The following TCN2 variants were observed in gnomAD, a reference collection of about 807,000 sequenced individuals.
TCN2 encodes the protein transcobalamin-2.
Under a neutral mutation model 48.6 loss-of-function variants are expected in TCN2, and 34 were observed. The ratio of observed to expected loss-of-function variants is 0.70; its 90% CI spans 0.53 to 0.93. TCN2 has a LOEUF of 0.93. Among genes scored for constraint, TCN2 ranks in the 40% least tolerant of loss-of-function variants. The pLI, the probability that TCN2 is intolerant of heterozygous loss-of-function variation, is 0.00. For missense variants in TCN2, 652 were observed against 526.1 expected (o/e 1.24, Z -2.34); for synonymous variants, 283 against 212.5 (o/e 1.33, Z -2.89).
chr22:30,617,841 A>C (rs537460850), intron 7 of TCN2: 215 of 370,714 alleles, frequency 5.8e-4, no homozygotes, highest in African/African-American at 3.8e-3. Context: ...GTACACATAG[A>C]GATAGTGGCA....
rs746958412 is a variant in TCN2 at position 30,612,862 on chromosome 22, C to T, written c.258-11C>T. 2 of 1,612,990 alleles carry T rather than the reference C, an allele frequency of 1.2e-6. No homozygotes were observed. The highest frequency in any genetic ancestry group is 1.7e-6 in the Non-Finnish European group (2 of 1,179,986). ...AGTTTCTCACAAAGGCATTAACTGG[C>T]CTTGTCCTAGGTCTGCCTTCAGCGA... On this transcript the variant is annotated splice_polypyrimidine_tract_variant and intron_variant, in intron 2 of 8. Transcript: ENST00000215838.
At chr22:30,614,267 G>A in intron 3 of TCN2, 82 bp from the exon 4 acceptor site, 1 of 1,569,228 alleles carries the variant, frequency 6.4e-7, no homozygotes. Flanking sequence ...GTTGGAAAGT[G>A]CAGGCCAGGG....
At chr22:30,623,296 CAAAA>C in intron 8 of TCN2, 7 of 372,994 alleles carry the variant, frequency 1.9e-5, no homozygotes, top group Admixed American at 4.3e-5. Flanking sequence ...AGACAGATTA[CAAAA>C]AAAAAAAAAA....
intron 4 of TCN2, among the ~76,000 whole-genome samples, chr22:30,614,919 T>TA (rs995876978): frequency 6.6e-6 from 1 of 151,818 alleles, no homozygotes; most frequent in East Asian, 1.9e-4. Flanking sequence ...TCTCAAAAAA[T>TA]AAAAAATAAA....
chr22:30,623,755 T>TGTATAC lies in TCN2; in HGVS notation c.1222+672_1222+673insGTATAC, dbSNP rs2087738045. On this transcript the variant is annotated intron_variant, in intron 8 of 8. Transcript: ENST00000215838. ...GTATACATATATATACACACATATA[T>TGTATAC]ATGTATATATATATACACACATATA... is the stretch of plus-strand genomic sequence containing the variant. Among the ~76,000 whole-genome samples the TGTATAC allele has an allele frequency of 1.5e-4, 11 of 74,532 alleles. 3 individuals are homozygous for TGTATAC. Among genetic ancestry groups the TGTATAC allele is most frequent in the East Asian group, 1.3e-3 (4 of 2,990 alleles). 48.9% of individuals were successfully genotyped at this position (74,532 alleles called of 152,430 possible).
intron 1 of TCN2, among the ~76,000 whole-genome samples, chr22:30,610,648 C>A (rs958941378): frequency 9.2e-5 from 14 of 152,258 alleles, no homozygotes; most frequent in African/African-American, 4.8e-5. Flanking sequence ...CACCACCTCT[C>A]TTGCTGGCTC....
intron 8 of TCN2, among the ~76,000 whole-genome samples, chr22:30,623,877 CAT>C (rs751545658): frequency 0.046 from 3,131 of 67,964 alleles, 964 homozygotes; most frequent in Middle Eastern, 0.076. Flanking sequence ...TATATACACA[CAT>C]ATATACACAC....
intron 4 of TCN2, 132 bp downstream of exon 4, chr22:30,614,633 C>G: frequency 7.4e-7 from 1 of 1,344,366 alleles, no homozygotes; most frequent in Non-Finnish European, 1.0e-6. Context: ...CCTTTAGGGA[C>G]GAATTGGCGA....
Position 30,610,915 on chromosome 22 carries a change from C to T in TCN2, c.109C>T (p.His37Tyr), listed in dbSNP as rs1326813642. Residue 37 changes from histidine to tyrosine, a missense_variant, in exon 2 of 9, where the codon CAC becomes TAC. By Grantham distance (83) the His-to-Tyr change is moderately conservative. Transcript: ENST00000215838. ...CCATCTGGTAGAGAAGTTGGGCCAG[C>T]ACCTCTTACCTTGGATGGACCGGCT... ...DSHLVEKLGQ[H>Y]LLPWMDRLSL... is the part of the protein sequence containing the mutation. The T allele has an allele frequency of 3.7e-6, 6 of 1,614,102 alleles. No homozygotes were observed. Among genetic ancestry groups the T allele is most frequent in the Admixed American group, 3.3e-5 (2 of 59,994 alleles).
At chr22:30,618,331 GTTTGTGTA>G (rs2087645500) in intron 7 of TCN2, among the ~76,000 whole-genome samples, 1 of 151,430 alleles carries the variant, frequency 6.6e-6, no homozygotes, top group Non-Finnish European at 1.5e-5. Context: ...CCCAACTCGT[GTTTGTGTA>G]TTTGTTTATT....
Position 30,614,420 on chromosome 22 carries a change from C to A in TCN2, c.499C>A (p.His167Asn). The A allele has an allele frequency of 6.2e-7, 1 of 1,614,186 alleles. No homozygotes were observed. Among genetic ancestry groups the A allele is most frequent in the Non-Finnish European group, 8.5e-7 (1 of 1,180,018 alleles). The change falls in exon 4 of 9, where the codon CAC becomes AAC. Residue 167 changes from histidine (H) to asparagine (N), a missense_variant. Transcript: ENST00000215838. ...YGLGILALCLHQKRVHDSVVD... is the reference protein window; with the variant it reads ...YGLGILALCLNQKRVHDSVVD... ...CCTGGGCATTCTGGCCCTGTGTCTC[C>A]ACCAGAAGCGGGTCCATGACAGCGT...
intron 7 of TCN2, among the ~76,000 whole-genome samples, chr22:30,618,258 A>G (rs1238724516): frequency 8.2e-6 from 1 of 122,600 alleles, no homozygotes; most frequent in Non-Finnish European, 1.7e-5. Context: ...CCAGAATAAT[A>G]ACTGGTTTTT....
At chr22:30,619,837 T>C (rs2087671218) in intron 7 of TCN2, among the ~76,000 whole-genome samples, 3 of 152,290 alleles carry the variant, frequency 2.0e-5, no homozygotes, top group East Asian at 3.9e-4. Context: ...ATCACTTAGA[T>C]GTGTACTGAT....
intron 7 of TCN2, among the ~76,000 whole-genome samples, chr22:30,622,050 C>A (rs1055083831): frequency 6.6e-6 from 1 of 152,086 alleles, no homozygotes; most frequent in Admixed American, 6.5e-5. Flanking sequence ...TACAATGGTA[C>A]GATCTCAGCT....
At chr22:30,615,192 A>G in intron 4 of TCN2, 109 bp from the exon 5 acceptor site, 1 of 1,205,506 alleles carries the variant, frequency 8.3e-7, no homozygotes, top group South Asian at 1.2e-5. Flanking sequence ...CTTCTTCTCC[A>G]AGCCCTCCTG....
chr22:30,624,864 T>C (rs568511821), intron 8 of TCN2, among the ~76,000 whole-genome samples: 4 of 152,328 alleles, frequency 2.6e-5, no homozygotes, highest in African/African-American at 9.6e-5. Flanking sequence ...TGAGTTCTCT[T>C]TTGTCTTAGT....
At chr22:30,610,768 G>T in intron 1 of TCN2, 103 bp from the exon 2 acceptor site, 1 of 1,227,196 alleles carries the variant, frequency 8.1e-7, no homozygotes. Context: ...TGGAGGTGGG[G>T]GTGAGGACAT....
chr22:30,615,595 C>T lies in TCN2; in HGVS notation c.754-6C>T. 1.2e-6 allele frequency: 2 copies of T among 1,614,136 alleles called. No homozygotes were observed. The highest frequency in any genetic ancestry group is 1.7e-6 in the Non-Finnish European group (2 of 1,180,012). Reference sequence around the variant, plus strand: ...TTCCTCTCTCTCTTCCTCACTCTATCACCAGTTCCTCATGACTTCCCCCAT... The same window carrying T: ...TTCCTCTCTCTCTTCCTCACTCTATTACCAGTTCCTCATGACTTCCCCCAT... On this transcript the variant is annotated splice_region_variant and splice_polypyrimidine_tract_variant and intron_variant, in intron 5 of 8. Transcript: ENST00000215838.
chr22:30,615,247 G>A lies in TCN2; in HGVS notation c.581-54G>A, dbSNP rs2087594513. The A allele has an allele frequency of 3.1e-6, 5 of 1,604,986 alleles. No homozygotes were observed. The Admixed American group carries it at 8.3e-5, about 27-fold the overall frequency. On this transcript the variant is annotated intron_variant, in intron 4 of 8. Coordinates refer to ENST00000215838, the MANE Select transcript of TCN2 (RefSeq NM_000355.4). ...GGGCCTGACCCTCAAGCCCCTGCCT[G>A]TCCTGGCCCCTTTGGCTCTCCAGCT...
Sources: allele counts gnomAD v4.1 joint callset (sites outside exome capture counted in the v4.1 genomes callset), GRCh38; gene constraint gnomAD v4.1.1; transcripts MANE v1.5; gene names NCBI Gene and HGNC (gene_info 2026-07-23, HGNC 2026-07-21).